The following MCC variants were observed in gnomAD, a reference collection of about 807,000 sequenced individuals.
MCC encodes the protein colorectal mutant cancer protein.
MCC carries 90 observed loss-of-function variants against 116.2 expected under a neutral mutation model. The ratio of observed to expected loss-of-function variants is 0.77; its 90% CI spans 0.65 to 0.92. The LOEUF is 0.92. Ranked by LOEUF, MCC falls within the 40% of genes least tolerant of loss-of-function variation. The pLI, the probability that MCC is intolerant of heterozygous loss-of-function variation, is 0.00. For synonymous variants in MCC, 578 were observed against 510.5 expected (o/e 1.13, Z -1.78); for missense variants, 1,516 against 1,312.2 (o/e 1.16, Z -2.40).
At chr5:113,109,268 G>A (rs1236020607) in intron 6 of MCC, among the ~76,000 whole-genome samples, 2 of 151,998 alleles carry the variant, frequency 1.3e-5, no homozygotes, top group African/African-American at 2.4e-5. Flanking sequence ...GTAGCCCAGG[G>A]GTATACTGAC....
At chr5:113,436,720 G>A (rs1285315014) in intron 1 of MCC, 1 of 152,162 alleles carries the variant, frequency 6.6e-6, no homozygotes, top group African/African-American at 2.4e-5. Context: ...ACATTTAACA[G>A]TGTGTTTTTT....
intron 2 of MCC, among the ~76,000 whole-genome samples, chr5:113,357,311 T>G (rs887337372): frequency 2.6e-5 from 4 of 152,146 alleles, no homozygotes; most frequent in African/African-American, 9.7e-5. Context: ...ATAGGGAAAA[T>G]GTACACTCTC....
chr5:113,045,638 A>G (rs1752020512), intron 16 of MCC, among the ~76,000 whole-genome samples: 1 of 152,004 alleles, frequency 6.6e-6, no homozygotes, highest in South Asian at 2.1e-4. Context: ...CATCTCTACT[A>G]AAAATACAAA....
intron 3 of MCC, among the ~76,000 whole-genome samples, chr5:113,225,458 A>C (rs547002070): frequency 1.3e-5 from 2 of 152,286 alleles, no homozygotes; most frequent in East Asian, 3.9e-4. Context: ...CACTCTTACT[A>C]AACTTTCTCT....
intron 2 of MCC, among the ~76,000 whole-genome samples, chr5:113,376,588 C>T (rs1198629307): frequency 1.3e-5 from 2 of 151,926 alleles, no homozygotes; most frequent in East Asian, 1.9e-4. Flanking sequence ...CACACACACA[C>T]ACACACACAC....
intron 3 of MCC, among the ~76,000 whole-genome samples, chr5:113,236,887 CTCTTT>C (rs1296448997): frequency 6.6e-6 from 1 of 152,174 alleles, no homozygotes; most frequent in Non-Finnish European, 1.5e-5. Context: ...AGCATTCCCA[CTCTTT>C]TCTTCCTCGA....
chr5:113,322,253 G>C (rs1436820449), intron 3 of MCC, among the ~76,000 whole-genome samples: 2 of 152,180 alleles, frequency 1.3e-5, no homozygotes, highest in African/African-American at 4.8e-5. Flanking sequence ...CCATCTGGTG[G>C]GGAAAGTCTA....
At chr5:113,467,762 A>C (rs1006889450) in intron 1 of MCC, among the ~76,000 whole-genome samples, 30 of 152,180 alleles carry the variant, frequency 2.0e-4, no homozygotes, top group African/African-American at 6.5e-4. Context: ...TGAATCTATA[A>C]ATTACCTTGG....
intron 3 of MCC, among the ~76,000 whole-genome samples, chr5:113,186,245 G>A (rs749872626): frequency 3.3e-5 from 5 of 152,176 alleles, no homozygotes; most frequent in African/African-American, 7.2e-5. Context: ...AATCCAGAGC[G>A]TGGGTGGCAG....
intron 3 of MCC, among the ~76,000 whole-genome samples, chr5:113,204,010 C>T (rs1268720302): frequency 2.6e-5 from 4 of 152,182 alleles, no homozygotes; most frequent in Non-Finnish European, 4.4e-5. Context: ...CCCTATTTTC[C>T]GTCCTTCCTT....
chr5:113,462,506 G>C (rs1341605116), intron 1 of MCC, among the ~76,000 whole-genome samples: 4 of 151,412 alleles, frequency 2.6e-5, no homozygotes, highest in African/African-American at 4.9e-5. Flanking sequence ...TATCAGCCTA[G>C]AATCTGTGAA....
intron 3 of MCC, among the ~76,000 whole-genome samples, chr5:113,329,378 A>G (rs1561525858): frequency 9.6e-6 from 1 of 104,418 alleles, no homozygotes; most frequent in East Asian, 2.0e-4. Context: ...AATAAACTAT[A>G]TATATACACA....
chr5:113,094,642 G>C (rs796757751), intron 8 of MCC, among the ~76,000 whole-genome samples: 1 of 151,892 alleles, frequency 6.6e-6, no homozygotes, highest in Admixed American at 6.6e-5. Flanking sequence ...GGCTGGTCTC[G>C]AACTCCTGAC....
intron 3 of MCC, among the ~76,000 whole-genome samples, chr5:113,327,587 A>ATCTATATATATATATATATATATAT (rs1561525261): frequency 2.1e-5 from 2 of 96,636 alleles, no homozygotes; most frequent in African/African-American, 8.3e-5. Flanking sequence ...TATATATATA[A>ATCTATATATATATATATATATATAT]AAATCTCATC....
intron 3 of MCC, among the ~76,000 whole-genome samples, chr5:113,306,088 T>C (rs186267310): frequency 6.6e-6 from 1 of 152,346 alleles, no homozygotes; most frequent in East Asian, 1.9e-4. Context: ...TAATGGTTCA[T>C]TCCTTTTTAT....
At chr5:113,151,281 A>C (rs180823836) in intron 4 of MCC, 28 bp downstream of exon 4, 2 of 1,407,178 alleles carry the variant, frequency 1.4e-6, no homozygotes, top group Admixed American at 4.1e-5. Context: ...AAACAAAAGC[A>C]AACTAAAAAC....
In MCC at chr5:113,119,077, C is replaced by T. The variant is rs114842159; in HGVS notation, c.1027+3607G>A. Among the ~76,000 whole-genome samples, 234 of 152,380 alleles carry T rather than the reference C, an allele frequency of 1.5e-3. 1 individual carries two copies. Among genetic ancestry groups the T allele is most frequent in the African/African-American group, 5.4e-3 (224 of 41,590 alleles). On this transcript the variant is annotated intron_variant, in intron 6 of 18. Coordinates refer to ENST00000408903, the MANE Select transcript of MCC (RefSeq NM_001085377.2). ...GAGGTCTTCCCTGTGGACCTGTCTG[C>T]ATCCTCCAAACAACTGTGAGCTTTG...
chr5:113,327,555 A>AT (rs1295231073), intron 3 of MCC, among the ~76,000 whole-genome samples: 18 of 80,936 alleles, frequency 2.2e-4, no homozygotes, highest in African/African-American at 7.8e-4. Context: ...CAAAAAAAAA[A>AT]AAAAAAATAT....
chr5:113,450,881 C>T (rs991475505), intron 1 of MCC, among the ~76,000 whole-genome samples: 7 of 152,272 alleles, frequency 4.6e-5, no homozygotes, highest in Non-Finnish European at 1.0e-4. Context: ...GACTCTTAGC[C>T]TTCATTTTAT....
Sources: gnomAD v4.1 joint callset for allele counts (sites outside exome capture counted in the v4.1 genomes callset) on GRCh38, gnomAD v4.1.1 for gene constraint, MANE v1.5 for transcripts, NCBI Gene and HGNC (gene_info 2026-07-23, HGNC 2026-07-21) for gene names.